LRIG2: variants seen among roughly 807,000 people sequenced by gnomAD.
LRIG2 encodes leucine rich repeats and immunoglobulin like domains 2, also known as leucine-rich repeats and immunoglobulin-like domains protein 2.
A neutral mutation model predicts 107.8 loss-of-function variants in LRIG2; 93 were observed. That is an observed-to-expected ratio of 0.86 (90% CI 0.73 to 1.03). LRIG2 has a LOEUF of 1.03. Among genes scored for constraint, LRIG2 ranks in the 50% least tolerant of loss-of-function variants. LRIG2 has a pLI of 0.00. For synonymous variants in LRIG2, 471 were observed against 470.6 expected, an observed-to-expected ratio of 1.00 and a Z score of -0.01; for missense variants, 1,226 against 1,296.0, an observed-to-expected ratio of 0.95 and a Z score of 0.83.
rs1314038786 is a variant in LRIG2 at position 113,098,686 on chromosome 1, TTCTC to T, written c.1092-17_1092-14del. 6.5e-7 allele frequency: 1 copy of T among 1,536,078 alleles called. No homozygotes were observed. Reference sequence around the variant, plus strand: ...TTGTATTGACTAATAGCACCTGTCTTTCTCTGACATTTTTGTAGAGACTTAAGAA... The same window carrying T: ...TTGTATTGACTAATAGCACCTGTCTTTGACATTTTTGTAGAGACTTAAGAA... On this transcript the variant is annotated splice_polypyrimidine_tract_variant and intron_variant, in intron 8 of 17. Transcript: ENST00000361127.
chr1:113,103,000 C>A (rs12409007), intron 11 of LRIG2, among the ~76,000 whole-genome samples: 1 of 18,240 alleles, frequency 5.5e-5, no homozygotes, highest in Non-Finnish European at 1.9e-4. Context: ...GTATACTCCG[C>A]CCCCCTCCTT....
At chr1:113,108,287 G>T (rs375927454) in intron 12 of LRIG2, among the ~76,000 whole-genome samples, 4 of 149,294 alleles carry the variant, frequency 2.7e-5, no homozygotes, top group Non-Finnish European at 5.9e-5. Flanking sequence ...GCAGTGGTGC[G>T]ATCTCAGCTC....
chr1:113,125,171 A>AAAAT lies in LRIG2; in HGVS notation c.*1082_*1085dup, dbSNP rs1184978104. ...CAGAGTGAGGCCCTGGCTCAAAAGT[A>AAAAT]AAATAAATAAATAAAAAGTTTTAAA... On this transcript the variant is annotated 3_prime_UTR_variant, in exon 18 of 18. Transcript: ENST00000361127. 1 of 152,210 alleles carries AAAAT rather than the reference A, an allele frequency of 6.6e-6. No individual in the cohort carries two copies. Among genetic ancestry groups the AAAAT allele is most frequent in the Non-Finnish European group, 1.5e-5 (1 of 68,030 alleles). The allele number at this position is 152,210 out of a possible 1,614,324, so 9.4% of individuals were successfully genotyped here. A position where few individuals can be genotyped will look rare whatever the true frequency, so the allele number is the denominator to read the frequency against.
At chr1:113,080,978 G>A (rs1653253543) in intron 1 of LRIG2, among the ~76,000 whole-genome samples, 1 of 151,694 alleles carries the variant, frequency 6.6e-6, no homozygotes, top group Admixed American at 6.6e-5. Flanking sequence ...TGAGTAGCTG[G>A]GATTACAGGC....
intron 1 of LRIG2, among the ~76,000 whole-genome samples, chr1:113,081,777 T>A (rs1653298504): frequency 6.6e-6 from 1 of 152,106 alleles, no homozygotes; most frequent in African/African-American, 2.4e-5. Context: ...CACCTCAGCC[T>A]CCCTAAGTGC....
Position 113,116,292 on chromosome 1 carries a change from C to T in LRIG2, c.2536C>T (p.Leu846Phe), listed in dbSNP as rs1207161607. ...TAAAAATGTCTCTTTTACAGAGGAGCTCAATCTGCCTGCAGACATTCCCAG... is the reference window on the plus strand; with the variant it reads ...TAAAAATGTCTCTTTTACAGAGGAGTTCAATCTGCCTGCAGACATTCCCAG... ...EDYSITNTEE[L>F]NLPADIPSYL... Residue 846 changes from leucine to phenylalanine, a missense_variant, in exon 16 of 18, where the codon CTC becomes TTC. Physicochemically the swap from Leu to Phe is conservative, Grantham distance 22. Around this residue, in one of 3 missense-constraint regions of LRIG2, gnomAD observed 642 missense variants for 712.2 expected, o/e 0.90. Transcript: ENST00000361127. The T allele has an allele frequency of 1.2e-6, 2 of 1,611,884 alleles. No individual in the cohort carries two copies. The highest frequency in any genetic ancestry group is 1.7e-6 in the Non-Finnish European group (2 of 1,178,782).
At chr1:113,080,463 T>C (rs1653217845) in intron 1 of LRIG2, among the ~76,000 whole-genome samples, 1 of 151,876 alleles carries the variant, frequency 6.6e-6, no homozygotes, top group Admixed American at 6.6e-5. Context: ...CACTGCAAGC[T>C]CCGCCTTCCA....
chr1:113,073,879 G>A (rs1652829438), intron 1 of LRIG2, among the ~76,000 whole-genome samples: 2 of 151,512 alleles, frequency 1.3e-5, no homozygotes, highest in African/African-American at 2.4e-5. Context: ...TTGGGGCCAA[G>A]GAGTCTGTGA....
intron 17 of LRIG2, among the ~76,000 whole-genome samples, chr1:113,120,818 A>G (rs1655216434): frequency 6.9e-6 from 1 of 144,888 alleles, no homozygotes; most frequent in Non-Finnish European, 1.5e-5. Flanking sequence ...CCTACTGAGA[A>G]GTTTTTTTTT....
intron 1 of LRIG2, among the ~76,000 whole-genome samples, chr1:113,086,287 G>C (rs1653550722): frequency 6.6e-6 from 1 of 152,108 alleles, no homozygotes; most frequent in Non-Finnish European, 1.5e-5. Context: ...TTACAGGCAT[G>C]AGCCACTGTG....
At chr1:113,090,330 C>T (rs889351394) in intron 1 of LRIG2, among the ~76,000 whole-genome samples, 1 of 152,000 alleles carries the variant, frequency 6.6e-6, no homozygotes, top group East Asian at 1.9e-4. Flanking sequence ...AATTGGGTGG[C>T]TGGAAACAAA....
intron 17 of LRIG2, among the ~76,000 whole-genome samples, chr1:113,120,162 AT>A (rs1557921943): frequency 1.3e-5 from 2 of 151,464 alleles, no homozygotes. Context: ...AGAATAAAAT[AT>A]GGGGGGCCGG....
intron 13 of LRIG2, among the ~76,000 whole-genome samples, chr1:113,110,887 A>T (rs1215399411): frequency 6.6e-6 from 1 of 152,156 alleles, no homozygotes; most frequent in Non-Finnish European, 1.5e-5. Flanking sequence ...CTTGATAACT[A>T]TGAAATTTAT....
intron 1 of LRIG2, among the ~76,000 whole-genome samples, chr1:113,084,935 C>T (rs1653480018): frequency 6.6e-6 from 1 of 152,088 alleles, no homozygotes; most frequent in South Asian, 2.1e-4. Context: ...AAAAATGTTA[C>T]AATATTCAGT....
At position 113,093,433 on chromosome 1, in the gene LRIG2, C is replaced by G. The variant is rs1653911620; in HGVS notation, c.384C>G (p.Val128=). Residue 128 remains valine (V), a synonymous_variant, in exon 4 of 18, where the codon GTC becomes GTG. Transcript: ENST00000361127. The stretch of plus-strand genomic sequence containing the variant: ...CATTATAATCTTTGTTTTACAGAGT[C>G]CATAATATAATCCCAGAAATAAATG... ...PTSNITLLSL[V]HNIIPEINAQ... 2 of 1,613,628 alleles carry G rather than the reference C, an allele frequency of 1.2e-6. No homozygotes were observed. The highest frequency in any genetic ancestry group is 1.7e-6 in the Non-Finnish European group (2 of 1,179,886).
In LRIG2 at chr1:113,113,469, T is replaced by C. The variant is rs6674821; in HGVS notation, c.2080+709T>C. ...TCCTATATGTCAGTTATTATTATTA[T>C]TTTTTTTAAGTTTGTTGGTTTGTAT... On this transcript the variant is annotated intron_variant, in intron 14 of 17. Coordinates refer to ENST00000361127, the MANE Select transcript of LRIG2 (RefSeq NM_014813.3). Among the ~76,000 whole-genome samples, 733 of 118,496 alleles carry C rather than the reference T, an allele frequency of 6.2e-3. 5 individuals carry two copies. The highest frequency in any genetic ancestry group is 0.019 in the African/African-American group (693 of 35,788). The allele number at this position is 118,496 out of a possible 152,430, so 77.7% of individuals were successfully genotyped here.
In LRIG2 at chr1:113,107,683, A is replaced by T; in HGVS notation, c.1403A>T (p.Asn468Ile). ...LVDNNFQHSV[N>I]VSCAHPEWLA... ...GATAATAACTTTCAACATTCTGTGA[A>T]TGTAAGCTGTGCACACCCTGAATGG... Residue 468 changes from asparagine (N) to isoleucine (I), a missense_variant, in exon 12 of 18, where the codon AAT becomes ATT. Transcript: ENST00000361127. 1 of 1,613,984 alleles carries T rather than the reference A, an allele frequency of 6.2e-7. No individual in the cohort carries two copies. Among genetic ancestry groups the T allele is most frequent in the Non-Finnish European group, 8.5e-7 (1 of 1,179,928 alleles).
chr1:113,103,009 T>TTC, intron 11 of LRIG2, among the ~76,000 whole-genome samples: 2 of 14,504 alleles, frequency 1.4e-4, no homozygotes, highest in African/African-American at 2.2e-3. Flanking sequence ...GCCCCCCTCC[T>TTC]TTTTTTTTGC....
intron 11 of LRIG2, 25 bp downstream of exon 11, chr1:113,100,513 C>A: frequency 7.6e-7 from 1 of 1,313,082 alleles, no homozygotes; most frequent in South Asian, 1.2e-5. Flanking sequence ...TTTTTAAAAT[C>A]ACCAGTTGGA....
Sources: allele counts gnomAD v4.1 joint callset (sites outside exome capture counted in the v4.1 genomes callset), GRCh38; gene constraint gnomAD v4.1.1; regional missense constraint gnomAD v4.1.1; transcripts MANE v1.5; gene names NCBI Gene and HGNC (gene_info 2026-07-23, HGNC 2026-07-21).